Variants in KLHL7 observed in about 807,000 individuals in gnomAD.
The protein encoded by KLHL7 is kelch-like protein 7.
Under a neutral mutation model 67.4 loss-of-function variants are expected in KLHL7, and 44 were observed. The ratio of observed to expected loss-of-function variants is 0.65; its 90% CI spans 0.51 to 0.84. The LOEUF is 0.84. KLHL7 is among the 40% of genes least tolerant of loss of function. The pLI is 0.00. For synonymous variants in KLHL7, 252 were observed against 243.3 expected, an observed-to-expected ratio of 1.04 and a Z score of -0.33; for missense variants, 362 against 718.1, an observed-to-expected ratio of 0.50 and a Z score of 5.67.
rs919944415 is a variant in KLHL7 at position 23,129,196 on chromosome 7, C to T, written c.442+4024C>T. On this transcript the variant is annotated intron_variant, in intron 4 of 10. Coordinates refer to ENST00000339077, the MANE Select transcript of KLHL7 (RefSeq NM_001031710.3). Reference sequence around the variant, plus strand: ...GGTTGCAGGGGCATCTCCGCAGCTACTGCATGCAGTGATCATGGGGGCCCC... The same window carrying T: ...GGTTGCAGGGGCATCTCCGCAGCTATTGCATGCAGTGATCATGGGGGCCCC... 7 of 203,138 alleles carry T rather than the reference C, an allele frequency of 3.4e-5. No homozygotes were observed. In the East Asian group the frequency reaches 5.1e-4, roughly 15 times the overall value. 12.6% of individuals were successfully genotyped at this position (203,138 alleles called of 1,614,324 possible). A position where few individuals can be genotyped will look rare whatever the true frequency, so the allele number is the denominator to read the frequency against.
rs2128460460 is a variant in KLHL7 at position 23,125,105 on chromosome 7, G to A, written c.375G>A (p.Gln125=). ...QSLLDAANQY[Q]IEPVKKMCVD... is the part of the protein sequence containing the mutation. ...TGCTGGATGCAGCAAACCAATATCA[G>A]ATTGAACCTGTGAAGAAAATGTGTG... is the stretch of plus-strand genomic sequence containing the variant. The change falls in exon 4 of 11, where the codon CAG becomes CAA. Residue 125 remains glutamine, a synonymous_variant. Transcript: ENST00000339077. 1 of 1,612,774 alleles carries A rather than the reference G, an allele frequency of 6.2e-7. No homozygotes were observed. Among genetic ancestry groups the A allele is most frequent in the East Asian group, 2.2e-5 (1 of 44,810 alleles).
chr7:23,130,325 T>G (rs1420140906), intron 4 of KLHL7, among the ~76,000 whole-genome samples: 1 of 152,222 alleles, frequency 6.6e-6, no homozygotes, highest in Non-Finnish European at 1.5e-5. Flanking sequence ...TGAGACATCA[T>G]ATCTATAAAA....
intron 6 of KLHL7, among the ~76,000 whole-genome samples, chr7:23,145,086 G>C (rs915350582): frequency 3.3e-5 from 5 of 152,168 alleles, no homozygotes; most frequent in African/African-American, 1.2e-4. Context: ...GGGCAACAGA[G>C]TAAGACCTTG....
intron 5 of KLHL7, among the ~76,000 whole-genome samples, chr7:23,142,735 C>G (rs1240526361): frequency 6.6e-6 from 1 of 152,056 alleles, no homozygotes; most frequent in Admixed American, 6.6e-5. Context: ...AACAAAATAC[C>G]TGACCAGAAC....
rs190738364 is a variant in KLHL7, at chr7:23,111,886, G to C, written c.120+5740G>C. On this transcript the variant is annotated intron_variant, in intron 1 of 10. Transcript: ENST00000339077. ...TGGTAAATGAATTAAAGAGTTTTCA[G>C]AGTGCTTGCTGGCAGACCAAATAGG... Among the ~76,000 whole-genome samples, 291 of 144,694 alleles carry C rather than the reference G, an allele frequency of 2.0e-3. 1 individual carries two copies. The highest frequency in any genetic ancestry group is 7.2e-3 in the African/African-American group (279 of 38,796). 94.9% of individuals were successfully genotyped at this position (144,694 alleles called of 152,430 possible).
intron 1 of KLHL7, among the ~76,000 whole-genome samples, chr7:23,108,081 A>G (rs1030266064): frequency 7.2e-5 from 11 of 152,210 alleles, no homozygotes; most frequent in African/African-American, 2.7e-4. Flanking sequence ...TTTTTGTGTT[A>G]TGACTACTTT....
Position 23,106,238 on chromosome 7 carries a change from T to C in KLHL7, c.120+92T>C, listed in dbSNP as rs1782631822. ...GGGGTGGAACCCCGCGCCCTGTGGA[T>C]CGCGCCCCTCTTTCTCTGTCCTCGC... On this transcript the variant is annotated intron_variant, in intron 1 of 10. Transcript: ENST00000339077. The C allele has an allele frequency of 6.4e-6, 10 of 1,553,618 alleles. No individual in the cohort carries two copies. The African/African-American group carries it at 1.4e-4, about 21-fold the overall frequency.
chr7:23,117,081 CTTTTTTTTT>C (rs34692665), intron 1 of KLHL7, among the ~76,000 whole-genome samples: 4 of 68,216 alleles, frequency 5.9e-5, no homozygotes, highest in Admixed American at 2.0e-4. Context: ...AGAGCCAGGC[CTTTTTTTTT>C]TTTTTTTTTT....
At position 23,152,152 on chromosome 7, in the gene KLHL7, C is replaced by T. The variant is rs1405934109; in HGVS notation, c.879C>T (p.Tyr293=). Residue 293 remains tyrosine, a synonymous_variant, in exon 7 of 11, where the codon TAC becomes TAT. Coordinates refer to ENST00000339077, the MANE Select transcript of KLHL7 (RefSeq NM_001031710.3). ...GTRPRRKKHD[Y]RIALFGGSQP... ...GACCTAGAAGAAAGAAACATGACTA[C>T]CGCATAGCCCTATTTGGAGGCTCTC... 1 of 1,613,762 alleles carries T rather than the reference C, an allele frequency of 6.2e-7. No individual in the cohort carries two copies. The highest frequency in any genetic ancestry group is 8.5e-7 in the Non-Finnish European group (1 of 1,179,804).
intron 6 of KLHL7, among the ~76,000 whole-genome samples, chr7:23,150,984 AT>A (rs1266070519): frequency 2.0e-5 from 3 of 151,846 alleles, no homozygotes; most frequent in African/African-American, 7.2e-5. Context: ...TTTTAATAGT[AT>A]TTTTTATTAT....
intron 1 of KLHL7, among the ~76,000 whole-genome samples, chr7:23,107,733 CA>C (rs1206425336): frequency 2.6e-5 from 4 of 152,166 alleles, no homozygotes; most frequent in African/African-American, 7.2e-5. Flanking sequence ...GGTGAACAAC[CA>C]GGGGTCCCCT....
At chr7:23,106,734 C>A in intron 1 of KLHL7, 1 of 991,308 alleles carries the variant, frequency 1.0e-6, no homozygotes, top group Admixed American at 5.7e-5. Context: ...TTAAGAGGAG[C>A]TCTTTGTTCT....
chr7:23,124,788 T>G lies in KLHL7; in HGVS notation c.317+7T>G. 1 of 1,536,652 alleles carries G rather than the reference T, an allele frequency of 6.5e-7. No individual in the cohort carries two copies. Among genetic ancestry groups the G allele is most frequent in the South Asian group, 1.1e-5 (1 of 89,510 alleles). On this transcript the variant is annotated splice_region_variant and intron_variant, in intron 3 of 10. Coordinates refer to ENST00000339077, the MANE Select transcript of KLHL7 (RefSeq NM_001031710.3). ...AATTTGCTTATACTGCTAGGTGAGT[T>G]AAGTATTATTTTTATTTTAGAGAAG...
chr7:23,151,629 A>G (rs1376612778), intron 6 of KLHL7, among the ~76,000 whole-genome samples: 1 of 152,248 alleles, frequency 6.6e-6, no homozygotes, highest in Non-Finnish European at 1.5e-5. Context: ...GCCCTTTAAA[A>G]TACCAATTCC....
intron 10 of KLHL7, among the ~76,000 whole-genome samples, chr7:23,173,456 A>T (rs1005687208): frequency 5.9e-5 from 9 of 152,246 alleles, no homozygotes; most frequent in Non-Finnish European, 1.3e-4. Context: ...TTGCATGAAA[A>T]TATCAATATT....
chr7:23,157,572 T>C (rs4722230), intron 7 of KLHL7, among the ~76,000 whole-genome samples: 140,907 of 152,276 alleles, frequency 0.93, 65,373 homozygotes, highest in East Asian at 0.99. Context: ...TTCTCAGTTA[T>C]ATGCTCTGGT....
chr7:23,125,240 A>T (rs1423978437), intron 4 of KLHL7, 68 bp downstream of exon 4: 5 of 1,523,922 alleles, frequency 3.3e-6, no homozygotes, highest in African/African-American at 1.4e-5. Flanking sequence ...TTAATTTTTT[A>T]AAAAGGCTGA....
intron 1 of KLHL7, among the ~76,000 whole-genome samples, chr7:23,110,414 C>T (rs1489291072): frequency 6.6e-6 from 1 of 152,088 alleles, no homozygotes; most frequent in Non-Finnish European, 1.5e-5. Flanking sequence ...TTGGTTATTC[C>T]ATCTTTGTTG....
At position 23,105,877 on chromosome 7, in the gene KLHL7, G is replaced by A. The variant is rs1195867771; in HGVS notation, c.-150G>A. On this transcript the variant is annotated 5_prime_UTR_variant, in exon 1 of 11. Coordinates refer to ENST00000339077, the MANE Select transcript of KLHL7 (RefSeq NM_001031710.3). ...GGCCTTGTCTTTCGGCAGTGGCCGA[G>A]CCACCGCCGCCTGCCGCGCGTTCCA... The A allele has an allele frequency of 1.6e-6, 2 of 1,240,418 alleles. No individual in the cohort carries two copies. The highest frequency in any genetic ancestry group is 2.0e-5 in the Admixed American group (1 of 49,866). 76.8% of individuals were successfully genotyped at this position (1,240,418 alleles called of 1,614,324 possible).
Sources: gnomAD v4.1 joint callset for allele counts (sites outside exome capture counted in the v4.1 genomes callset) on GRCh38, gnomAD v4.1.1 for gene constraint, MANE v1.5 for transcripts, NCBI Gene and HGNC (gene_info 2026-07-23, HGNC 2026-07-21) for gene names.